The following CD1A variants were observed in gnomAD, a reference collection of about 807,000 sequenced individuals.
The protein encoded by CD1A is CD1a molecule.
In CD1A, 50 loss-of-function variants were observed where a neutral mutation model predicts 38.3. The ratio of observed to expected loss-of-function variants is 1.30; its 90% CI spans 1.04 to 1.65. The LOEUF (loss-of-function observed/expected upper bound fraction) is 1.65, where lower values mean the gene tolerates loss of function less well. Ranked by LOEUF, CD1A falls within the 40% of genes most tolerant of loss-of-function variation. CD1A has a pLI of 0.00. For synonymous variants in CD1A, 160 were observed against 150.8 expected (o/e 1.06, Z -0.45); for missense variants, 459 against 406.1 (o/e 1.13, Z -1.12).
At chr1:158,249,469 T>G (rs1650028480), upstream of CD1A, among the ~76,000 whole-genome samples, 1 of 152,008 alleles carries the variant, frequency 6.6e-6, no homozygotes, top group South Asian at 2.1e-4. Flanking sequence ...CTGATCACAT[T>G]CATGAGGGCT....
Position 158,254,976 on chromosome 1 carries a change from A to G in CD1A, c.59-108A>G, listed in dbSNP as rs1364621971. On this transcript the variant is annotated intron_variant, in intron 1 of 5. Coordinates refer to ENST00000289429, the MANE Select transcript of CD1A (RefSeq NM_001763.3). ...CAAGTGAATGTCTGCTAAGATCATG[A>G]TGGATCCCCTTTTCTCCAGATTCTG... The G allele has an allele frequency of 4.4e-6, 5 of 1,144,688 alleles. No individual in the cohort carries two copies. In the Admixed American group the frequency reaches 9.5e-5, roughly 22 times the overall value. The allele number at this position is 1,144,688 out of a possible 1,614,324, so 70.9% of individuals were successfully genotyped here.
chr1:158,249,472 T>C (rs528213505), upstream of CD1A, among the ~76,000 whole-genome samples: 1 of 152,206 alleles, frequency 6.6e-6, no homozygotes, highest in Non-Finnish European at 1.5e-5. Flanking sequence ...ATCACATTCA[T>C]GAGGGCTCCA....
At chr1:158,255,004 T>A in intron 1 of CD1A, 80 bp from the exon 2 acceptor site, 1 of 1,406,600 alleles carries the variant, frequency 7.1e-7, no homozygotes, top group Non-Finnish European at 9.9e-7. Flanking sequence ...AGATTCTGAG[T>A]TCCCGCACTC....
At chr1:158,252,891 C>T (rs1192480151), upstream of CD1A, among the ~76,000 whole-genome samples, 1 of 151,296 alleles carries the variant, frequency 6.6e-6, no homozygotes, top group Admixed American at 6.6e-5. Flanking sequence ...GAGTGAGACT[C>T]TGTCTCAAAA....
In CD1A at chr1:158,256,261, A is replaced by AG; in HGVS notation, c.583_584insG (p.Lys195ArgfsTer47). On this transcript the variant is annotated frameshift_variant, in exon 3 of 6. Coordinates refer to ENST00000289429, the MANE Select transcript of CD1A (RefSeq NM_001763.3). LOFTEE classifies it high-confidence loss of function. ...CATCTTGGGTCTTCTTGATGCAGGA[A>AG]AGGCACATCTCCAGCGGCAAGGTCA... 6.2e-7 allele frequency: 1 copy of AG among 1,614,028 alleles called. No homozygotes were observed. The highest frequency in any genetic ancestry group is 8.5e-7 in the Non-Finnish European group (1 of 1,180,014).
Position 158,254,433 on chromosome 1 carries a change from G to C in CD1A, c.-237G>C. The C allele has an allele frequency of 1.5e-6, 2 of 1,358,800 alleles. No individual in the cohort carries two copies. The highest frequency in any genetic ancestry group is 1.9e-6 in the Non-Finnish European group (2 of 1,052,292). 84.2% of individuals were successfully genotyped at this position (1,358,800 alleles called of 1,614,324 possible). On this transcript the variant is annotated 5_prime_UTR_variant, in exon 1 of 6. Coordinates refer to ENST00000289429, the MANE Select transcript of CD1A (RefSeq NM_001763.3). ...TTAGGGGAAGGTGAATAAGTTGGAGGTTGGTGACAAGGAGAGAAGCTGGAA... is the reference window on the plus strand; with the variant it reads ...TTAGGGGAAGGTGAATAAGTTGGAGCTTGGTGACAAGGAGAGAAGCTGGAA...
At chr1:158,254,126 A>G, upstream of CD1A, 2 of 865,282 alleles carry the variant, frequency 2.3e-6, no homozygotes, top group South Asian at 1.1e-4. Context: ...GTTAGTTTGT[A>G]CTGTCGCACA....
rs768867270 is a variant in CD1A, at chr1:158,257,491, G to A, written c.954G>A (p.Ala318=). 2.7e-5 allele frequency: 43 copies of A among 1,613,974 alleles called. No homozygotes were observed. Among genetic ancestry groups the A allele is most frequent in the Non-Finnish European group, 3.1e-5 (37 of 1,179,896 alleles). The change falls in exon 5 of 6, where the codon GCG becomes GCA. Residue 318 remains alanine, a synonymous_variant. Coordinates refer to ENST00000289429, the MANE Select transcript of CD1A (RefSeq NM_001763.3). The stretch of plus-strand genomic sequence containing the variant: ...CTTTACTTCTTCTGATAGGTCTTGC[G>A]CTTTGGTTCAGGAAACGCTGGTGAG... ...IVPLLLLIGL[A]LWFRKRCFC is the part of the protein sequence containing the mutation.
chr1:158,256,224 C>T lies in CD1A; in HGVS notation c.546C>T (p.Thr182=). Residue 182 remains threonine (T), a synonymous_variant, in exon 3 of 6, where the codon ACC becomes ACT. Transcript: ENST00000289429. ...TAACACACAATCTTCTCAGTGACAC[C>T]TGCCCACGTTTCATCTTGGGTCTTC... is the stretch of plus-strand genomic sequence containing the variant. ...NDITHNLLSD[T]CPRFILGLLD... The T allele has an allele frequency of 6.2e-7, 1 of 1,614,142 alleles. No individual in the cohort carries two copies. Among genetic ancestry groups the T allele is most frequent in the Non-Finnish European group, 8.5e-7 (1 of 1,180,012 alleles).
intron 3 of CD1A, 141 bp downstream of exon 3, chr1:158,256,423 C>G: frequency 1.2e-6 from 1 of 839,764 alleles, no homozygotes; most frequent in Non-Finnish European, 1.8e-6. Context: ...AATCCCAGTA[C>G]TTTGGGAAGC....
chr1:158,248,382 G>C, the CD1A span: 1 of 985,344 alleles, frequency 1.0e-6, no homozygotes, highest in Non-Finnish European at 1.2e-6. Flanking sequence ...AAGAATTTAG[G>C]AGCCATGTTT....
At chr1:158,248,658 CTTAA>C in the CD1A span, among the ~76,000 whole-genome samples, 6 of 152,268 alleles carry the variant, frequency 3.9e-5, no homozygotes, top group African/African-American at 1.4e-4. Context: ...CCCCTTCTCT[CTTAA>C]TTATTTTCCT....
At chr1:158,254,299 A>G (rs771147846), upstream of CD1A, 1 of 1,123,644 alleles carries the variant, frequency 8.9e-7, no homozygotes. Context: ...TGGGCAGCAC[A>G]CTGGGAGCCA....
chr1:158,257,079 A>G lies in CD1A; in HGVS notation c.883+15A>G. ...CCTCTACTGGGGTGAGAAAAAGCTA[A>G]GGCCCAGGCTGGAAATGCCAGGAAG... On this transcript the variant is annotated intron_variant, in intron 4 of 5. Coordinates refer to ENST00000289429, the MANE Select transcript of CD1A (RefSeq NM_001763.3). 6 of 1,590,468 alleles carry G rather than the reference A, an allele frequency of 3.8e-6. No individual in the cohort carries two copies. The highest frequency in any genetic ancestry group is 5.1e-6 in the Non-Finnish European group (6 of 1,165,608).
intron 4 of CD1A, 108 bp from the exon 5 acceptor site, chr1:158,257,313 T>C: frequency 2.0e-6 from 2 of 992,156 alleles, no homozygotes; most frequent in Non-Finnish European, 3.1e-6. Context: ...ATTGGTAAGT[T>C]GGATACTCAA....
chr1:158,255,599 T>C (rs535093966), intron 2 of CD1A, among the ~76,000 whole-genome samples: 1 of 152,322 alleles, frequency 6.6e-6, no homozygotes, highest in South Asian at 2.1e-4. Context: ...TTCTTACAGG[T>C]ATCCCAGGAC....
upstream of CD1A, among the ~76,000 whole-genome samples, chr1:158,252,772 C>T (rs1650121256): frequency 2.0e-5 from 3 of 151,994 alleles, no homozygotes; most frequent in Non-Finnish European, 2.9e-5. Flanking sequence ...GTGGTGCATA[C>T]CTGTAATCCC....
chr1:158,257,593 T>C (rs1650304463), intron 5 of CD1A, 82 bp downstream of exon 5: 2 of 1,568,026 alleles, frequency 1.3e-6, no homozygotes, highest in South Asian at 1.1e-5. Context: ...CTCTCCTCAG[T>C]TCTTCTCTCC....
At position 158,257,699 on chromosome 1, in the gene CD1A, A is replaced by G. The variant is rs774607599; in HGVS notation, c.*9A>G. 15 of 1,613,664 alleles carry G rather than the reference A, an allele frequency of 9.3e-6. No individual in the cohort carries two copies. The Admixed American group carries it at 1.7e-4, about 18-fold the overall frequency. Reference sequence around the variant, plus strand: ...CATCCAGTTTCTGTTAAGACACACCATGAGCCTCCTCGTCACCCTTCTCCT... The same window carrying G: ...CATCCAGTTTCTGTTAAGACACACCGTGAGCCTCCTCGTCACCCTTCTCCT... On this transcript the variant is annotated 3_prime_UTR_variant, in exon 6 of 6. Coordinates refer to ENST00000289429, the MANE Select transcript of CD1A (RefSeq NM_001763.3).
Sources: gnomAD v4.1 joint callset for allele counts (sites outside exome capture counted in the v4.1 genomes callset) on GRCh38, gnomAD v4.1.1 for gene constraint, MANE v1.5 for transcripts, NCBI Gene and HGNC (gene_info 2026-07-23, HGNC 2026-07-21) for gene names.